Variants in TMEM50A observed in about 807,000 individuals in gnomAD.
The protein encoded by TMEM50A is transmembrane protein 50A, also known as cervical cancer oncogene 9.
A neutral mutation model predicts 23.9 loss-of-function variants in TMEM50A; 8 were observed. That is an observed-to-expected ratio of 0.33 (90% CI 0.20 to 0.60). TMEM50A has a LOEUF of 0.60. TMEM50A is among the 20% of genes least tolerant of loss of function. The pLI is 0.81. For synonymous variants in TMEM50A, 55 were observed against 60.4 expected (o/e 0.91, Z 0.41); for missense variants, 178 against 192.7 (o/e 0.92, Z 0.45).
chr1:25,345,933 C>A (rs1645211091), intron 3 of TMEM50A, among the ~76,000 whole-genome samples: 1 of 151,720 alleles, frequency 6.6e-6, no homozygotes, highest in Non-Finnish European at 1.5e-5. Context: ...GGATTACAGG[C>A]ACACACCACC....
At chr1:25,342,931 G>A in intron 2 of TMEM50A, 30 bp from the exon 3 acceptor site, 1 of 1,579,010 alleles carries the variant, frequency 6.3e-7, no homozygotes, top group Non-Finnish European at 8.7e-7. Flanking sequence ...GAATTGCTAT[G>A]ATTTCTCATT....
At chr1:25,352,355 C>T (rs534920920) in intron 4 of TMEM50A, among the ~76,000 whole-genome samples, 1 of 151,862 alleles carries the variant, frequency 6.6e-6, no homozygotes, top group East Asian at 1.9e-4. Flanking sequence ...ATCAGCTGGG[C>T]GTGGTGGCGG....
intron 5 of TMEM50A, among the ~76,000 whole-genome samples, chr1:25,353,811 A>G (rs1361367304): frequency 6.6e-6 from 1 of 152,174 alleles, no homozygotes; most frequent in Non-Finnish European, 1.5e-5. Flanking sequence ...AAAATACAGT[A>G]TTAATGATTT....
intron 3 of TMEM50A, among the ~76,000 whole-genome samples, chr1:25,349,014 G>A (rs746528162): frequency 2.6e-5 from 4 of 152,178 alleles, no homozygotes; most frequent in African/African-American, 4.8e-5. Flanking sequence ...TGAGCAGGGT[G>A]AGGAGGGGAT....
chr1:25,351,532 C>G (rs1571803464), intron 3 of TMEM50A, 94 bp from the exon 4 acceptor site: 2 of 1,048,646 alleles, frequency 1.9e-6, no homozygotes, highest in Non-Finnish European at 2.7e-6. Flanking sequence ...AAAAGACTTT[C>G]AGGCCTAACC....
rs968441144 is a variant in TMEM50A, at chr1:25,361,810, G to C, written c.*1105G>C. 1.3e-5 allele frequency: 2 copies of C among 154,812 alleles called. No homozygotes were observed. The highest frequency in any genetic ancestry group is 4.8e-5 in the African/African-American group (2 of 41,462). 9.6% of individuals were successfully genotyped at this position (154,812 alleles called of 1,614,324 possible). A position where few individuals can be genotyped will look rare whatever the true frequency, so the allele number is the denominator to read the frequency against. ...ACTGTGAATATTGCCTGGTGATCAA[G>C]ACTCTCCTCAAAGAAATGACTTGCT... is the stretch of plus-strand genomic sequence containing the variant. On this transcript the variant is annotated 3_prime_UTR_variant, in exon 7 of 7. Coordinates refer to ENST00000374358, the MANE Select transcript of TMEM50A (RefSeq NM_014313.4).
chr1:25,339,348 T>C (rs2124228736), intron 1 of TMEM50A, among the ~76,000 whole-genome samples: 1 of 152,362 alleles, frequency 6.6e-6, no homozygotes, highest in East Asian at 1.9e-4. Context: ...TAAATAGCAG[T>C]TGGATTTTTG....
intron 6 of TMEM50A, among the ~76,000 whole-genome samples, chr1:25,359,938 A>G (rs1335276559): frequency 6.6e-6 from 1 of 151,948 alleles, no homozygotes; most frequent in African/African-American, 2.4e-5. Flanking sequence ...TCCTTCCCCA[A>G]CCACCCCCAC....
rs1272729356 is a variant in TMEM50A, at chr1:25,356,776, T to C, written c.368-17T>C. 6.4e-7 allele frequency: 1 copy of C among 1,563,126 alleles called. No homozygotes were observed. The highest frequency in any genetic ancestry group is 8.7e-7 in the Non-Finnish European group (1 of 1,155,772). ...TTTGAGATCATAACCCTCTAAACAC[T>C]GCAATTATTTTTACAGAAAAAGACA... On this transcript the variant is annotated splice_polypyrimidine_tract_variant and intron_variant, in intron 5 of 6. Transcript: ENST00000374358.
At chr1:25,349,764 T>G (rs1645257814) in intron 3 of TMEM50A, among the ~76,000 whole-genome samples, 1 of 152,222 alleles carries the variant, frequency 6.6e-6, no homozygotes, top group Admixed American at 6.5e-5. Flanking sequence ...CTAAACACAT[T>G]TATTGAGCAC....
chr1:25,355,199 C>G (rs140572538), intron 5 of TMEM50A, among the ~76,000 whole-genome samples: 2,415 of 152,036 alleles, frequency 0.016, 32 homozygotes, highest in Non-Finnish European at 0.026. Context: ...ATCCCAGCTA[C>G]TTGGGAGGCT....
rs1329964272 is a variant in TMEM50A, at chr1:25,351,684, G to A, written c.265G>A (p.Gly89Ser). The A allele has an allele frequency of 6.2e-7, 1 of 1,613,086 alleles. No individual in the cohort carries two copies. Residue 89 changes from glycine (G) to serine (S), a missense_variant, in exon 4 of 7, where the codon GGT becomes AGT. Coordinates refer to ENST00000374358, the MANE Select transcript of TMEM50A (RefSeq NM_014313.4). ...RGDSYSEGCL[G>S]QTGARIWLFV... is the part of the protein sequence containing the mutation. Reference sequence around the variant, plus strand: ...TGATAGTTACAGTGAAGGTTGTCTGGGTCAAACAGGTAAATAGGTGCAAAC... The same window carrying A: ...TGATAGTTACAGTGAAGGTTGTCTGAGTCAAACAGGTAAATAGGTGCAAAC...
At chr1:25,351,718 A>C (rs1557587006) in intron 4 of TMEM50A, 25 bp downstream of exon 4, 1 of 1,589,098 alleles carries the variant, frequency 6.3e-7, no homozygotes, top group Non-Finnish European at 8.6e-7. Context: ...ACAGCATCTT[A>C]TTATACATGC....
At chr1:25,340,446 TTTAA>T (rs1187334190) in intron 1 of TMEM50A, 24 bp from the exon 2 acceptor site, 9 of 1,522,508 alleles carry the variant, frequency 5.9e-6, no homozygotes, top group South Asian at 2.3e-5. Context: ...GAAGTACTTA[TTTAA>T]TTGTTTGTTT....
At chr1:25,350,393 C>T (rs1304530693) in intron 3 of TMEM50A, among the ~76,000 whole-genome samples, 2 of 151,876 alleles carry the variant, frequency 1.3e-5, no homozygotes, top group Non-Finnish European at 2.9e-5. Flanking sequence ...ATTTTGTTCC[C>T]GATTTTTTTT....
At chr1:25,356,319 T>A (rs1645333112) in intron 5 of TMEM50A, among the ~76,000 whole-genome samples, 1 of 152,188 alleles carries the variant, frequency 6.6e-6, no homozygotes, top group South Asian at 2.1e-4. Flanking sequence ...TGGCTGTTCC[T>A]GTAATTCACT....
At chr1:25,348,811 C>T (rs1280478256) in intron 3 of TMEM50A, among the ~76,000 whole-genome samples, 1 of 152,160 alleles carries the variant, frequency 6.6e-6, no homozygotes, top group Non-Finnish European at 1.5e-5. Context: ...TAACACACAT[C>T]TATATGTTTT....
In TMEM50A at chr1:25,360,808, G is replaced by A; in HGVS notation, c.*103G>A. The A allele has an allele frequency of 1.6e-6, 2 of 1,283,452 alleles. No individual in the cohort carries two copies. The highest frequency in any genetic ancestry group is 2.2e-6 in the Non-Finnish European group (2 of 900,202). The allele number at this position is 1,283,452 out of a possible 1,614,324, so 79.5% of individuals were successfully genotyped here. On this transcript the variant is annotated 3_prime_UTR_variant, in exon 7 of 7. Transcript: ENST00000374358. ...AATGCCATTTTCTAAACTTATTTCT[G>A]AGTGTAGTCTCAGCTTAAAGTTGTG...
intron 5 of TMEM50A, among the ~76,000 whole-genome samples, chr1:25,356,085 C>T (rs1002263093): frequency 6.6e-6 from 1 of 152,228 alleles, no homozygotes; most frequent in Non-Finnish European, 1.5e-5. Flanking sequence ...AGCCTCCTAA[C>T]TGGTTTCTGT....
Sources: allele counts gnomAD v4.1 joint callset (sites outside exome capture counted in the v4.1 genomes callset), GRCh38; gene constraint gnomAD v4.1.1; transcripts MANE v1.5; gene names NCBI Gene and HGNC (gene_info 2026-07-23, HGNC 2026-07-21).